The following MSH5 variants were observed in gnomAD, a reference collection of about 807,000 sequenced individuals.
The protein encoded by MSH5 is mutS homolog 5, also known as mutS protein homolog 5.
MSH5 carries 78 observed loss-of-function variants against 107.7 expected under a neutral mutation model. The ratio of observed to expected loss-of-function variants is 0.72; its 90% confidence interval spans 0.60 to 0.87. The LOEUF (loss-of-function observed/expected upper bound fraction) is 0.87, where lower values mean the gene tolerates loss of function less well. MSH5 is among the 40% of genes least tolerant of loss of function. MSH5 has a pLI of 0.00. For synonymous variants in MSH5, 326 were observed against 399.5 expected (o/e 0.82, Z 2.19); for missense variants, 889 against 1,046.6 (o/e 0.85, Z 2.08).
intron 9 of MSH5, among the ~76,000 whole-genome samples, chr6:31,746,917 G>C (rs1330067648): frequency 6.6e-6 from 1 of 152,022 alleles, no homozygotes; most frequent in Non-Finnish European, 1.5e-5. Flanking sequence ...CTGCCTCCCG[G>C]GTTCATGCCA....
Position 31,742,866 on chromosome 6 carries a change from C to T in MSH5, c.272-11C>T. ...TCCTTTAACTCATTTGATCTCTGTTCTCCTTCCAAGTTCTGGATGAGATCA... is the reference window on the plus strand; with the variant it reads ...TCCTTTAACTCATTTGATCTCTGTTTTCCTTCCAAGTTCTGGATGAGATCA... On this transcript the variant is annotated splice_polypyrimidine_tract_variant and intron_variant, in intron 3 of 24. Coordinates refer to ENST00000375750, the MANE Select transcript of MSH5 (RefSeq NM_172166.4). The T allele has an allele frequency of 1.2e-6, 2 of 1,612,194 alleles. No individual in the cohort carries two copies. The highest frequency in any genetic ancestry group is 1.7e-6 in the Non-Finnish European group (2 of 1,179,212).
intron 12 of MSH5, among the ~76,000 whole-genome samples, chr6:31,755,105 ATTG>A (rs1007743934): frequency 6.6e-6 from 1 of 151,952 alleles, no homozygotes; most frequent in African/African-American, 2.4e-5. Flanking sequence ...GAATAACAGT[ATTG>A]TTATCTTACT....
intron 12 of MSH5, chr6:31,754,157 CTTTTTT>C (rs1296479937): frequency 7.1e-6 from 1 of 140,564 alleles, no homozygotes; most frequent in Non-Finnish European, 1.6e-5. Flanking sequence ...ATTTCTTTTT[CTTTTTT>C]TTTTTAGACA....
rs923587532 is a variant in MSH5 at position 31,761,496 on chromosome 6, G to A, written c.2062G>A (p.Ala688Thr). ...GGTGGATGGGCTCGCGCTTCTGGCC[G>A]CTGTGCTCCGACACTGGCTGGCACG... ...NTVDGLALLA[A>T]VLRHWLARGP... The change falls in exon 22 of 25, where the codon GCT (alanine) becomes ACT (threonine). Residue 688 changes from alanine to threonine, a missense_variant. Ala to Thr is a moderately conservative substitution (Grantham distance 58, BLOSUM62 0). Transcript: ENST00000375750. The surrounding 1 kb of genome is among the most constrained non-coding windows in gnomAD (Gnocchi z 5.3). 8.7e-6 allele frequency: 14 copies of A among 1,613,394 alleles called. No homozygotes were observed. Among genetic ancestry groups the A allele is most frequent in the Admixed American group, 1.7e-5 (1 of 60,036 alleles).
Position 31,758,077 on chromosome 6 carries a change from C to A in MSH5, c.1015-88C>A. 6.5e-7 allele frequency: 1 copy of A among 1,527,780 alleles called. No individual in the cohort carries two copies. Among genetic ancestry groups the A allele is most frequent in the Non-Finnish European group, 9.0e-7 (1 of 1,111,094 alleles). 94.6% of individuals were successfully genotyped at this position (1,527,780 alleles called of 1,614,324 possible). A position where few individuals can be genotyped will look rare whatever the true frequency, so the allele number is the denominator to read the frequency against. ...CTCTTTGTTACTGTGATCTTCCCTA[C>A]TGGTCTTTGTTCTTCTGAGTCTGTC... On this transcript the variant is annotated intron_variant, in intron 12 of 24. Coordinates refer to ENST00000375750, the MANE Select transcript of MSH5 (RefSeq NM_172166.4). This position sits in a 1 kb window ranked among gnomAD's most constrained non-coding sequence, Gnocchi z 5.1.
intron 12 of MSH5, among the ~76,000 whole-genome samples, chr6:31,757,214 G>A (rs28745904): frequency 1.6e-3 from 242 of 152,008 alleles, no homozygotes; most frequent in African/African-American, 5.8e-3. Flanking sequence ...GCGCGATCTC[G>A]GCTCACTGCA....
At chr6:31,751,027 C>G (rs1260325068) in intron 10 of MSH5, among the ~76,000 whole-genome samples, 1 of 152,064 alleles carries the variant, frequency 6.6e-6, no homozygotes, top group Non-Finnish European at 1.5e-5. Context: ...TTTTTTGAGA[C>G]AGAGTCTCAC....
rs777219925 is a variant in MSH5, at chr6:31,744,189, G to A, written c.538-1G>A. ...CGATTCCACTGCTGATCCCCTCCCA[G>A]GTTCGAGCACTTGGAGGGCTGCTGA... On this transcript the variant is annotated splice_acceptor_variant, in intron 6 of 24. Transcript: ENST00000375750. LOFTEE classifies it high-confidence loss of function. The A allele has an allele frequency of 6.2e-7, 1 of 1,610,898 alleles. No homozygotes were observed. Among genetic ancestry groups the A allele is most frequent in the Non-Finnish European group, 8.5e-7 (1 of 1,178,394 alleles).
Position 31,740,623 on chromosome 6 carries a change from G to A in MSH5, c.147+10G>A, listed in dbSNP as rs1286884297. 1.3e-6 allele frequency: 2 copies of A among 1,489,670 alleles called. No individual in the cohort carries two copies. The highest frequency in any genetic ancestry group is 2.9e-5 in the African/African-American group (2 of 69,380). The allele number at this position is 1,489,670 out of a possible 1,614,324, so 92.3% of individuals were successfully genotyped here. On this transcript the variant is annotated intron_variant, in intron 2 of 24. Transcript: ENST00000375750. The surrounding 1 kb of genome is among the most constrained non-coding windows in gnomAD (Gnocchi z 4.4). ...GGAGGAGCTGGCCGAGGTCTCTGAG[G>A]GGAGTAGAAACTTGAATGGAGAGTT...
intron 3 of MSH5, 147 bp downstream of exon 3, chr6:31,741,433 C>G: frequency 8.9e-7 from 1 of 1,119,560 alleles, no homozygotes; most frequent in Non-Finnish European, 1.2e-6. Context: ...GGCTCAAGTG[C>G]AGTGGCGCAA....
chr6:31,761,441 C>T lies in MSH5; in HGVS notation c.2038-31C>T, dbSNP rs981785443. 2 of 1,611,406 alleles carry T rather than the reference C, an allele frequency of 1.2e-6. No individual in the cohort carries two copies. Among genetic ancestry groups the T allele is most frequent in the African/African-American group, 1.3e-5 (1 of 74,882 alleles). On this transcript the variant is annotated intron_variant, in intron 21 of 24. Transcript: ENST00000375750. This position sits in a 1 kb window ranked among gnomAD's most constrained non-coding sequence, Gnocchi z 5.3. ...AGAGGGGCATATGGGGTCCCCATGG[C>T]TCCGAATGCTAACCTCTGCCCTCTT... is the stretch of plus-strand genomic sequence containing the variant.
Position 31,740,204 on chromosome 6 carries a change from C to T in MSH5, c.-14+142C>T, listed in dbSNP as rs1028333026. 2.6e-5 allele frequency: 11 copies of T among 416,674 alleles called. No individual in the cohort carries two copies. The highest frequency in any genetic ancestry group is 1.7e-4 in the African/African-American group (8 of 48,220). 25.8% of individuals were successfully genotyped at this position (416,674 alleles called of 1,614,324 possible). A position where few individuals can be genotyped will look rare whatever the true frequency, so the allele number is the denominator to read the frequency against. On this transcript the variant is annotated intron_variant, in intron 1 of 24. Coordinates refer to ENST00000375750, the MANE Select transcript of MSH5 (RefSeq NM_172166.4). The surrounding 1 kb of genome is among the most constrained non-coding windows in gnomAD (Gnocchi z 4.4). ...CGACTCGCCCCACAGGGCCCTCAGA[C>T]CCCTTCCTTCCAAAGGGTAACCTCC...
Position 31,761,624 on chromosome 6 carries a change from A to G in MSH5, c.2181+9A>G. The G allele has an allele frequency of 6.2e-7, 1 of 1,613,988 alleles. No individual in the cohort carries two copies. The highest frequency in any genetic ancestry group is 8.5e-7 in the Non-Finnish European group (1 of 1,180,010). ...CCCTGGTGCAGTATTTGGTGAGGAG[A>G]CCAATCTAGCTCCTCGGGGACCCCC... On this transcript the variant is annotated intron_variant, in intron 22 of 24. Transcript: ENST00000375750. The surrounding 1 kb of genome is among the most constrained non-coding windows in gnomAD (Gnocchi z 5.3).
rs1483866386 is a variant in MSH5 at position 31,745,218 on chromosome 6, C to T, written c.684-19C>T. 3.8e-6 allele frequency: 6 copies of T among 1,563,642 alleles called. No individual in the cohort carries two copies. Among genetic ancestry groups the T allele is most frequent in the Non-Finnish European group, 5.3e-6 (6 of 1,134,164 alleles). On this transcript the variant is annotated intron_variant, in intron 8 of 24. Coordinates refer to ENST00000375750, the MANE Select transcript of MSH5 (RefSeq NM_172166.4). ...CAAAAGTCCAAGTTACCCCAAACTC[C>T]TCCATTTCTCCTCGACAGTGTTCTA...
In MSH5 at chr6:31,744,504, C is replaced by T. The variant is rs1490297339; in HGVS notation, c.648-42C>T. On this transcript the variant is annotated intron_variant, in intron 7 of 24. Coordinates refer to ENST00000375750, the MANE Select transcript of MSH5 (RefSeq NM_172166.4). ...GGACAAAGGAAGTGGAGTTGTGGAA[C>T]GAACTCAGACTGCTTCCTGCTTTTT... is the stretch of plus-strand genomic sequence containing the variant. 6 of 1,608,744 alleles carry T rather than the reference C, an allele frequency of 3.7e-6. No individual in the cohort carries two copies. In the African/African-American group the frequency reaches 5.3e-5, roughly 14 times the overall value.
intron 4 of MSH5, 45 bp downstream of exon 4, chr6:31,743,002 T>TA: frequency 6.2e-7 from 1 of 1,609,894 alleles, no homozygotes; most frequent in Admixed American, 1.7e-5. Context: ...GAAGGACTAA[T>TA]ATATGGAATA....
Position 31,759,530 on chromosome 6 carries a change from G to A in MSH5, c.1495+18G>A, listed in dbSNP as rs373474813. 3.1e-6 allele frequency: 5 copies of A among 1,611,584 alleles called. No homozygotes were observed. Among genetic ancestry groups the A allele is most frequent in the Non-Finnish European group, 4.2e-6 (5 of 1,179,618 alleles). Reference sequence around the variant, plus strand: ...GATCCGGGGTGAGGAAAAGCCAGAGGTTATATGCATTGTAAGATGTTTAAA... The same window carrying A: ...GATCCGGGGTGAGGAAAAGCCAGAGATTATATGCATTGTAAGATGTTTAAA... On this transcript the variant is annotated intron_variant, in intron 17 of 24. Coordinates refer to ENST00000375750, the MANE Select transcript of MSH5 (RefSeq NM_172166.4). This position sits in a 1 kb window ranked among gnomAD's most constrained non-coding sequence, Gnocchi z 4.7.
In MSH5 at chr6:31,760,856, G is replaced by A. The variant is rs749153703; in HGVS notation, c.1962+17G>A. 3 of 1,609,220 alleles carry A rather than the reference G, an allele frequency of 1.9e-6. No individual in the cohort carries two copies. Among genetic ancestry groups the A allele is most frequent in the South Asian group, 2.2e-5 (2 of 90,822 alleles). On this transcript the variant is annotated intron_variant, in intron 20 of 24. Transcript: ENST00000375750. The surrounding 1 kb of genome is among the most constrained non-coding windows in gnomAD (Gnocchi z 5.6). ...CTCAACCAGGTCAAAGGGAACAAAG[G>A]GAGGTGGGATTGAGGAAGGGGATAA... is the stretch of plus-strand genomic sequence containing the variant.
Position 31,740,995 on chromosome 6 carries a change from G to C in MSH5, c.148-168G>C, listed in dbSNP as rs995284205. Reference sequence around the variant, plus strand: ...AAGAAAAAAAAAACAGGGTTGGGAAGAGCTGGGCAAGTCTCTTACCTCCTG... The same window carrying C: ...AAGAAAAAAAAAACAGGGTTGGGAACAGCTGGGCAAGTCTCTTACCTCCTG... On this transcript the variant is annotated intron_variant, in intron 2 of 24. Coordinates refer to ENST00000375750, the MANE Select transcript of MSH5 (RefSeq NM_172166.4). The surrounding 1 kb of genome is among the most constrained non-coding windows in gnomAD (Gnocchi z 4.4). Among the ~76,000 whole-genome samples the C allele has an allele frequency of 6.6e-6, 1 of 152,006 alleles. No individual in the cohort carries two copies. Among genetic ancestry groups the C allele is most frequent in the Non-Finnish European group, 1.5e-5 (1 of 67,986 alleles).
Sources: gnomAD v4.1 joint callset for allele counts (sites outside exome capture counted in the v4.1 genomes callset) on GRCh38, gnomAD v4.1.1 for gene constraint, Gnocchi (gnomAD v3.1) non-coding constraint, MANE v1.5 for transcripts, NCBI Gene and HGNC (gene_info 2026-07-23, HGNC 2026-07-21) for gene names.